TXNL4B: variants seen among roughly 807,000 people sequenced by gnomAD.
The protein encoded by TXNL4B is thioredoxin like 4B, also known as thioredoxin-like protein 4B.
In TXNL4B, 12 loss-of-function variants were observed where a neutral mutation model predicts 13.0. That is an observed-to-expected ratio of 0.92 (90% CI 0.59 to 1.49). The LOEUF is 1.49. Among genes scored for constraint, TXNL4B ranks in the 40% most tolerant of loss-of-function variants. The probability of loss-of-function intolerance (pLI) is 0.00; values close to 1 mark genes in which losing one functional copy is unlikely to be tolerated. For missense variants in TXNL4B, 214 were observed against 173.6 expected (o/e 1.23, Z -1.31); for synonymous variants, 59 against 58.9 (o/e 1.00, Z -0.01).
intron 3 of TXNL4B, among the ~76,000 whole-genome samples, chr16:72,088,110 C>T (rs948180988): frequency 3.0e-4 from 46 of 151,860 alleles, no homozygotes; most frequent in African/African-American, 8.7e-4. Context: ...TGAGCCACTG[C>T]GCCTGGCCAT....
Position 72,085,214 on chromosome 16 carries a change from T to C in TXNL4B, c.*1423A>G. 2.6e-6 allele frequency: 1 copy of C among 389,028 alleles called. No individual in the cohort carries two copies. The highest frequency in any genetic ancestry group is 4.5e-6 in the Non-Finnish European group (1 of 220,694). 24.1% of individuals were successfully genotyped at this position (389,028 alleles called of 1,614,324 possible). ...AAGCAAGACTCATGGCACCCCTCCC[T>C]GCAGGAAAGGGGTGGAATGGAGCCC... On this transcript the variant is annotated 3_prime_UTR_variant, in exon 4 of 4. Transcript: ENST00000268483.
chr16:72,088,233 G>T (rs1423039490), intron 3 of TXNL4B, among the ~76,000 whole-genome samples: 5 of 152,148 alleles, frequency 3.3e-5, no homozygotes, highest in African/African-American at 1.2e-4. Flanking sequence ...CAAAGTGCTG[G>T]GATTACAGGC....
At chr16:72,089,503 G>A (rs886808503) in intron 2 of TXNL4B, among the ~76,000 whole-genome samples, 81 of 152,254 alleles carry the variant, frequency 5.3e-4, no homozygotes, top group Non-Finnish European at 7.8e-4. Context: ...ACCTCTACCC[G>A]CCATTTCTAC....
rs948858256 is a variant in TXNL4B, at chr16:72,086,130, C to T, written c.*507G>A. On this transcript the variant is annotated 3_prime_UTR_variant, in exon 4 of 4. Transcript: ENST00000268483. ...TGAAGAGAACCTACAGTAATACAGA[C>T]TGGAGATGGGAAAGCACGAGGGATG... 1 of 152,342 alleles carries T rather than the reference C, an allele frequency of 6.6e-6. No individual in the cohort carries two copies. Among genetic ancestry groups the T allele is most frequent in the Non-Finnish European group, 1.5e-5 (1 of 68,280 alleles). The allele number at this position is 152,342 out of a possible 1,614,324, so 9.4% of individuals were successfully genotyped here.
intron 3 of TXNL4B, among the ~76,000 whole-genome samples, chr16:72,088,752 G>C (rs928133440): frequency 6.6e-6 from 1 of 152,124 alleles, no homozygotes; most frequent in Non-Finnish European, 1.5e-5. Flanking sequence ...ATTAAAATTT[G>C]ACAAACCATG....
Position 72,086,481 on chromosome 16 carries a change from G to T in TXNL4B, c.*156C>A. 2 of 577,696 alleles carry T rather than the reference G, an allele frequency of 3.5e-6. No homozygotes were observed. Among genetic ancestry groups the T allele is most frequent in the Non-Finnish European group, 5.9e-6 (2 of 340,280 alleles). 35.8% of individuals were successfully genotyped at this position (577,696 alleles called of 1,614,324 possible). The stretch of plus-strand genomic sequence containing the variant: ...TCCCAGGTCATCAGAGAACCAGTGG[G>T]GTCTTTTCCTCAGGGGCCGGGTTTT... On this transcript the variant is annotated 3_prime_UTR_variant, in exon 4 of 4. Coordinates refer to ENST00000268483, the MANE Select transcript of TXNL4B (RefSeq NM_017853.3).
intron 2 of TXNL4B, among the ~76,000 whole-genome samples, chr16:72,089,587 ATTTC>A (rs2041872688): frequency 6.6e-6 from 1 of 152,192 alleles, no homozygotes; most frequent in Non-Finnish European, 1.5e-5. Flanking sequence ...TCTTCCTTTA[ATTTC>A]TTTCTTTGAA....
At chr16:72,091,759 GATCA>G (rs1468618721) in intron 1 of TXNL4B, among the ~76,000 whole-genome samples, 2 of 152,306 alleles carry the variant, frequency 1.3e-5, no homozygotes, top group South Asian at 2.1e-4. Context: ...ACGGCAAACA[GATCA>G]ATTAAGAGTG....
intron 2 of TXNL4B, 69 bp downstream of exon 2, chr16:72,090,549 C>A: frequency 6.6e-7 from 1 of 1,515,070 alleles, no homozygotes. Flanking sequence ...CTCTCATGTA[C>A]TACTCAGATG....
At chr16:72,091,378 T>C (rs2041902447) in intron 1 of TXNL4B, among the ~76,000 whole-genome samples, 1 of 152,094 alleles carries the variant, frequency 6.6e-6, no homozygotes, top group African/African-American at 2.4e-5. Context: ...CCTCCCTCCC[T>C]CTGACCTTTG....
chr16:72,089,972 G>C, intron 2 of TXNL4B: 1 of 401,658 alleles, frequency 2.5e-6, no homozygotes, highest in Admixed American at 2.7e-5. Flanking sequence ...TGACCTCTGT[G>C]GTATTTCCTC....
intron 3 of TXNL4B, among the ~76,000 whole-genome samples, chr16:72,088,412 G>A (rs888111678): frequency 1.3e-5 from 2 of 152,250 alleles, no homozygotes; most frequent in Non-Finnish European, 2.9e-5. Context: ...TATTGAGATG[G>A]TAATTGGATG....
intron 1 of TXNL4B, among the ~76,000 whole-genome samples, 180 bp from the exon 2 acceptor site, chr16:72,090,966 T>C (rs2041895866): frequency 6.6e-6 from 1 of 152,206 alleles, no homozygotes; most frequent in Non-Finnish European, 1.5e-5. Context: ...TTTTCATTGT[T>C]CCCTCCCCCG....
chr16:72,090,474 A>G (rs769983310), intron 2 of TXNL4B, 144 bp downstream of exon 2: 2 of 782,360 alleles, frequency 2.6e-6, no homozygotes, highest in South Asian at 1.8e-5. Context: ...GGTTCAGGGC[A>G]GGCACACAAT....
At chr16:72,088,638 T>C (rs945640307) in intron 3 of TXNL4B, among the ~76,000 whole-genome samples, 3 of 152,184 alleles carry the variant, frequency 2.0e-5, no homozygotes, top group African/African-American at 7.2e-5. Flanking sequence ...CCTGGGAAAA[T>C]TTTAAGAGTT....
At chr16:72,087,744 A>T (rs757301226) in intron 3 of TXNL4B, among the ~76,000 whole-genome samples, 47 of 151,940 alleles carry the variant, frequency 3.1e-4, no homozygotes, top group Non-Finnish European at 3.1e-4. Flanking sequence ...TGCTCACTGC[A>T]ACCTCCACCT....
rs1419950266 is a variant in TXNL4B, at chr16:72,090,678, C to G, written c.72G>C (p.Lys24Asn). 6.2e-7 allele frequency: 1 copy of G among 1,614,004 alleles called. No homozygotes were observed. The highest frequency in any genetic ancestry group is 8.5e-7 in the Non-Finnish European group (1 of 1,179,962). ...CTCTCCCAAACCTGAGAACCAACAC[C>G]TTCTCAGCAGTACTTTTTATCGCCT... is the stretch of plus-strand genomic sequence containing the variant. ...VDQAIKSTAE[K>N]VLVLRFGRDE... The change falls in exon 2 of 4, where the codon AAG becomes AAC. Residue 24 changes from lysine (K) to asparagine (N), a missense_variant. Lys to Asn is a moderately conservative substitution (Grantham distance 94, BLOSUM62 0). Transcript: ENST00000268483.
At chr16:72,091,391 C>T (rs1785161899) in intron 1 of TXNL4B, among the ~76,000 whole-genome samples, 1 of 152,128 alleles carries the variant, frequency 6.6e-6, no homozygotes, top group Non-Finnish European at 1.5e-5. Context: ...GACCTTTGCT[C>T]ATGCAACCAC....
At chr16:72,090,506 A>G in intron 2 of TXNL4B, 112 bp downstream of exon 2, 1 of 1,082,468 alleles carries the variant, frequency 9.2e-7, no homozygotes, top group Non-Finnish European at 1.3e-6. Flanking sequence ...GAACTAACAA[A>G]TGAACAGCTA....
Sources: gnomAD v4.1 joint callset for allele counts (sites outside exome capture counted in the v4.1 genomes callset) on GRCh38, gnomAD v4.1.1 for gene constraint, MANE v1.5 for transcripts, NCBI Gene and HGNC (gene_info 2026-07-23, HGNC 2026-07-21) for gene names.